Variants in ZNF536 observed in about 807,000 individuals in gnomAD.
ZNF536 encodes zinc finger protein 536.
ZNF536 carries 13 observed loss-of-function variants against 84.5 expected under a neutral mutation model. That is an observed-to-expected ratio of 0.15 (90% CI 0.10 to 0.24). The LOEUF (loss-of-function observed/expected upper bound fraction) is 0.24. Among genes scored for constraint, ZNF536 ranks in the 10% least tolerant of loss-of-function variants. The probability of loss-of-function intolerance (pLI) is 1.00; values close to 1 mark genes in which losing one functional copy is unlikely to be tolerated. For synonymous variants in ZNF536, 811 were observed against 742.5 expected (o/e 1.09, Z -1.50); for missense variants, 1,536 against 1,747.5 (o/e 0.88, Z 2.16).
At chr19:30,288,786 A>G (rs944113760) in intron 2 of ZNF536, among the ~76,000 whole-genome samples, 2 of 152,232 alleles carry the variant, frequency 1.3e-5, no homozygotes, top group Non-Finnish European at 2.9e-5. Context: ...GGTTCAAAGT[A>G]GGCATTTAGT....
intron 1 of ZNF536, among the ~76,000 whole-genome samples, chr19:30,250,545 C>T (rs2024548443): frequency 6.6e-6 from 1 of 152,116 alleles, no homozygotes; most frequent in Non-Finnish European, 1.5e-5. Context: ...GGGAAAGTGG[C>T]TGGTGAGGCT....
At chr19:30,501,134 G>A (rs2054934933) in intron 2 of ZNF536, among the ~76,000 whole-genome samples, 1 of 152,130 alleles carries the variant, frequency 6.6e-6, no homozygotes, top group Admixed American at 6.5e-5. Context: ...CCCTACTAAT[G>A]GGATTAACCA....
intron 2 of ZNF536, among the ~76,000 whole-genome samples, chr19:30,521,975 G>A (rs1030246507): frequency 3.3e-5 from 5 of 152,134 alleles, no homozygotes; most frequent in Admixed American, 6.5e-5. Flanking sequence ...TGTCACAGTT[G>A]TATTGTGTAA....
intron 1 of ZNF536, among the ~76,000 whole-genome samples, chr19:30,281,231 C>A (rs796631774): frequency 6.6e-6 from 1 of 152,144 alleles, no homozygotes; most frequent in Non-Finnish European, 1.5e-5. Context: ...TCTCCCTCCT[C>A]GCTCCCCAGC....
chr19:30,571,923 A>G lies in ZNF536; in HGVS notation c.169+22409A>G, dbSNP rs1206665412. Reference sequence around the variant, plus strand: ...AGGACTTGCCCTTGGTTGTAGAAGCAGAGACAAGGGGTGGTCTTGTTTTCA... The same window carrying G: ...AGGACTTGCCCTTGGTTGTAGAAGCGGAGACAAGGGGTGGTCTTGTTTTCA... On this transcript the variant is annotated intron_variant, in intron 1 of 1. Transcript: ENST00000592773. Among the ~76,000 whole-genome samples, 3 of 152,198 alleles carry G rather than the reference A, an allele frequency of 2.0e-5. No individual in the cohort carries two copies. In the East Asian group the frequency reaches 5.8e-4, roughly 29 times the overall value.
chr19:30,662,623 T>C (rs1450691872), intron 1 of ZNF536, among the ~76,000 whole-genome samples: 3 of 152,152 alleles, frequency 2.0e-5, no homozygotes, highest in African/African-American at 7.2e-5. Flanking sequence ...TACCTGGTGG[T>C]GACTGAGTAG....
intron 1 of ZNF536, among the ~76,000 whole-genome samples, chr19:30,674,324 CG>C (rs35192348): frequency 6.6e-6 from 1 of 152,132 alleles, no homozygotes; most frequent in Non-Finnish European, 1.5e-5. Context: ...CCAGGCTGCC[CG>C]GGGATGGAGA....
At chr19:30,623,866 G>A (rs1296618475) in intron 1 of ZNF536, among the ~76,000 whole-genome samples, 2 of 152,164 alleles carry the variant, frequency 1.3e-5, no homozygotes, top group African/African-American at 2.4e-5. Context: ...TGGTACTGGA[G>A]GGGCCTCAGT....
At chr19:30,383,306 AC>A (rs1376769876) in intron 1 of ZNF536, among the ~76,000 whole-genome samples, 3 of 105,888 alleles carry the variant, frequency 2.8e-5, no homozygotes, top group Admixed American at 2.8e-4. Flanking sequence ...AAAGAAACAA[AC>A]AAACAAAAAA....
chr19:30,507,730 T>G (rs1346625121), intron 2 of ZNF536, among the ~76,000 whole-genome samples: 1 of 152,126 alleles, frequency 6.6e-6, no homozygotes, highest in Non-Finnish European at 1.5e-5. Flanking sequence ...ACACCTTAAG[T>G]TGGAGGAAGC....
chr19:30,565,984 C>T (rs776329587), intron 1 of ZNF536, among the ~76,000 whole-genome samples: 9 of 152,274 alleles, frequency 5.9e-5, no homozygotes, highest in South Asian at 2.1e-4. Context: ...GCATTTATAA[C>T]GTCAGGCTGT....
chr19:30,644,652 T>C (rs1201378281), intron 1 of ZNF536, among the ~76,000 whole-genome samples: 2 of 152,208 alleles, frequency 1.3e-5, no homozygotes, highest in Non-Finnish European at 2.9e-5. Context: ...TTGCTGAGAA[T>C]GATGGTTTCC....
At chr19:30,654,419 T>C (rs1172360758) in intron 1 of ZNF536, among the ~76,000 whole-genome samples, 1 of 148,520 alleles carries the variant, frequency 6.7e-6, no homozygotes, top group Non-Finnish European at 1.5e-5. Flanking sequence ...ACCCCCCTTA[T>C]TCACCCCATC....
At chr19:30,372,781 T>C (rs958455223) in intron 1 of ZNF536, among the ~76,000 whole-genome samples, 2 of 152,140 alleles carry the variant, frequency 1.3e-5, no homozygotes, top group East Asian at 3.8e-4. Flanking sequence ...GACCATCCGA[T>C]GGTTAAAACT....
intron 2 of ZNF536, among the ~76,000 whole-genome samples, chr19:30,462,984 G>A (rs1219996354): frequency 6.8e-6 from 1 of 146,414 alleles, no homozygotes; most frequent in African/African-American, 2.5e-5. Context: ...TGTTGGAATG[G>A]GATGGGGTGT....
In ZNF536 at chr19:30,606,291, T is replaced by TAAAATAAAATA. The variant is rs112144534; in HGVS notation, c.169+56780_169+56781insATAAAATAAAA. On this transcript the variant is annotated intron_variant, in intron 1 of 1. Coordinates refer to the ZNF536 transcript ENST00000592773. ...TAAAATAAAATAAAATAAAATAAAA[T>TAAAATAAAATA]AAATAAAATAAAATAAAATAAAATA... Among the ~76,000 whole-genome samples the TAAAATAAAATA allele has an allele frequency of 2.4e-3, 136 of 55,738 alleles. 1 individual carries two copies. Among genetic ancestry groups the TAAAATAAAATA allele is most frequent in the East Asian group, 0.02 (48 of 2,354 alleles). 36.6% of individuals were successfully genotyped at this position (55,738 alleles called of 152,430 possible). A position where few individuals can be genotyped will look rare whatever the true frequency, so the allele number is the denominator to read the frequency against.
chr19:30,274,987 T>C (rs916470179), intron 1 of ZNF536, among the ~76,000 whole-genome samples: 13 of 152,242 alleles, frequency 8.5e-5, no homozygotes, highest in Non-Finnish European at 1.9e-4. Flanking sequence ...TTCTGGATTT[T>C]TCCCCCGTTT....
intron 1 of ZNF536, among the ~76,000 whole-genome samples, chr19:30,642,759 AG>A (rs1166924547): frequency 6.6e-6 from 1 of 152,108 alleles, no homozygotes; most frequent in Non-Finnish European, 1.5e-5. Flanking sequence ...GATGATGCAA[AG>A]GCTCTGTCTG....
chr19:30,326,483 C>T (rs1049055629), intron 2 of ZNF536, among the ~76,000 whole-genome samples: 3 of 152,192 alleles, frequency 2.0e-5, no homozygotes, highest in African/African-American at 7.2e-5. Context: ...GTCCTCCAGG[C>T]AGCCGGACAA....
Sources: allele counts gnomAD v4.1 joint callset (sites outside exome capture counted in the v4.1 genomes callset), GRCh38; gene constraint gnomAD v4.1.1; transcripts MANE v1.5; gene names NCBI Gene and HGNC (gene_info 2026-07-23, HGNC 2026-07-21).